The following KHDRBS2 variants were observed in gnomAD, a reference collection of about 807,000 sequenced individuals.
KHDRBS2 encodes the protein KH domain-containing, RNA-binding, signal transduction-associated protein 2.
Under a neutral mutation model 44.3 loss-of-function variants are expected in KHDRBS2, and 26 were observed. That is an observed-to-expected ratio of 0.59 (90% CI 0.43 to 0.81). KHDRBS2 has a LOEUF of 0.81. Ranked by LOEUF, KHDRBS2 falls within the 40% of genes least tolerant of loss-of-function variation. The pLI, the probability that KHDRBS2 is intolerant of heterozygous loss-of-function variation, is 0.00. For synonymous variants in KHDRBS2, 194 were observed against 151.1 expected, an observed-to-expected ratio of 1.28 and a Z score of -2.08; for missense variants, 476 against 433.1, an observed-to-expected ratio of 1.10 and a Z score of -0.88.
intron 6 of KHDRBS2, among the ~76,000 whole-genome samples, chr6:61,891,502 G>A (rs1801833504): frequency 1.3e-5 from 2 of 152,140 alleles, no homozygotes; most frequent in Admixed American, 1.3e-4. Context: ...AGTTTCAGAA[G>A]GAATGGTACC....
At chr6:62,279,398 T>C (rs1841477889) in intron 1 of KHDRBS2, among the ~76,000 whole-genome samples, 2 of 152,196 alleles carry the variant, frequency 1.3e-5, no homozygotes, top group South Asian at 4.1e-4. Context: ...AGATATCTTC[T>C]AAACACATGG....
intron 1 of KHDRBS2, among the ~76,000 whole-genome samples, chr6:62,227,696 C>T (rs1832141273): frequency 6.6e-6 from 1 of 152,084 alleles, no homozygotes; most frequent in South Asian, 2.1e-4. Context: ...GAGATATGTT[C>T]TATCAATAAC....
the KHDRBS2 span, among the ~76,000 whole-genome samples, chr6:61,597,754 A>ATG: frequency 1.9e-5 from 1 of 53,566 alleles, no homozygotes; most frequent in Non-Finnish European, 3.5e-5. Flanking sequence ...ATATATATAT[A>ATG]TATACATATA....
intron 2 of KHDRBS2, among the ~76,000 whole-genome samples, chr6:62,131,766 G>A (rs965310454): frequency 2.0e-5 from 3 of 152,138 alleles, no homozygotes; most frequent in African/African-American, 7.2e-5. Context: ...AGAAAACAGG[G>A]AGAAGACAAG....
intron 7 of KHDRBS2, among the ~76,000 whole-genome samples, chr6:61,702,327 A>T (rs955708440): frequency 6.6e-6 from 1 of 151,950 alleles, no homozygotes; most frequent in African/African-American, 2.4e-5. Flanking sequence ...CTTTGGACTC[A>T]TGTTAATGAT....
chr6:61,793,114 C>G (rs890734700), intron 6 of KHDRBS2, among the ~76,000 whole-genome samples: 14 of 151,914 alleles, frequency 9.2e-5, no homozygotes, highest in Non-Finnish European at 1.3e-4. Context: ...AGGGAACTTG[C>G]TGTACAACAG....
intron 6 of KHDRBS2, chr6:61,816,852 T>G (rs1175805934): frequency 2.4e-6 from 1 of 419,898 alleles, no homozygotes; most frequent in Non-Finnish European, 4.8e-6. Context: ...TCCTCTTAAA[T>G]CTATGAGTGT....
chr6:62,215,192 T>G (rs935573950), intron 1 of KHDRBS2, among the ~76,000 whole-genome samples: 3 of 151,772 alleles, frequency 2.0e-5, no homozygotes, highest in African/African-American at 7.2e-5. Context: ...AAAATATAAC[T>G]TATATACACA....
chr6:62,269,003 G>T (rs1372446226), intron 1 of KHDRBS2, among the ~76,000 whole-genome samples: 8 of 151,836 alleles, frequency 5.3e-5, no homozygotes, highest in African/African-American at 1.5e-4. Flanking sequence ...CACAGCATTG[G>T]GCAGAGAAAA....
intron 7 of KHDRBS2, among the ~76,000 whole-genome samples, chr6:61,726,800 T>A (rs538658494): frequency 6.6e-6 from 1 of 152,192 alleles, no homozygotes; most frequent in African/African-American, 2.4e-5. Context: ...AAACATTCCA[T>A]GCTTATGGAT....
At chr6:62,168,502 T>C (rs1283055789) in intron 2 of KHDRBS2, among the ~76,000 whole-genome samples, 1 of 152,154 alleles carries the variant, frequency 6.6e-6, no homozygotes, top group African/African-American at 2.4e-5. Flanking sequence ...TACCCAGACA[T>C]GTGCCAAGCA....
intron 2 of KHDRBS2, among the ~76,000 whole-genome samples, chr6:62,133,213 T>G (rs956797890): frequency 1.3e-5 from 2 of 152,138 alleles, no homozygotes; most frequent in African/African-American, 4.8e-5. Flanking sequence ...CCCACCCAAA[T>G]CTCATCTTGA....
intron 4 of KHDRBS2, among the ~76,000 whole-genome samples, chr6:61,945,101 A>T (rs1342371255): frequency 0.015 from 863 of 56,240 alleles, 53 homozygotes; most frequent in African/African-American, 0.05. Flanking sequence ...AAAAAAAAAA[A>T]AAAAAAAAAA....
At chr6:61,902,769 G>A (rs114583315) in intron 4 of KHDRBS2, among the ~76,000 whole-genome samples, 6 of 152,096 alleles carry the variant, frequency 3.9e-5, no homozygotes, top group Non-Finnish European at 5.9e-5. Flanking sequence ...TGCACCAAAC[G>A]ATGTCAACGT....
chr6:62,123,320 C>T (rs1394321689), intron 2 of KHDRBS2, among the ~76,000 whole-genome samples: 1 of 152,108 alleles, frequency 6.6e-6, no homozygotes, highest in Non-Finnish European at 1.5e-5. Context: ...TGGGTTGGTT[C>T]CAAGTCTTTG....
chr6:61,776,397 C>T (rs1388312685), intron 6 of KHDRBS2, among the ~76,000 whole-genome samples: 1 of 152,052 alleles, frequency 6.6e-6, no homozygotes, highest in Non-Finnish European at 1.5e-5. Context: ...ACTCATCTGA[C>T]AAAGGGCTAA....
At chr6:62,263,508 A>T (rs1333602789) in intron 1 of KHDRBS2, among the ~76,000 whole-genome samples, 2 of 151,726 alleles carry the variant, frequency 1.3e-5, no homozygotes, top group Non-Finnish European at 3.0e-5. Context: ...TGTTTAGCAG[A>T]GTGATAATCT....
In KHDRBS2 at chr6:61,718,348, T is replaced by C. The variant is rs1035440486; in HGVS notation, c.893+14334A>G. ...TTTCTCATAAATAAAATATACATTG[T>C]ATTTAAAAGCATTACTGTTTCCATA... On this transcript the variant is annotated intron_variant, in intron 7 of 8. Transcript: ENST00000281156. Among the ~76,000 whole-genome samples, 231 of 152,144 alleles carry C rather than the reference T, an allele frequency of 1.5e-3. 2 individuals are homozygous for C. The highest frequency in any genetic ancestry group is 1.3e-4 in the Non-Finnish European group (9 of 68,036).
chr6:62,241,336 C>T (rs1389448327), intron 1 of KHDRBS2, among the ~76,000 whole-genome samples: 1 of 152,084 alleles, frequency 6.6e-6, no homozygotes, highest in Non-Finnish European at 1.5e-5. Context: ...TCTTTTTACT[C>T]TTTTTTATAT....
Sources: allele counts gnomAD v4.1 joint callset (sites outside exome capture counted in the v4.1 genomes callset), GRCh38; gene constraint gnomAD v4.1.1; transcripts MANE v1.5; gene names NCBI Gene and HGNC (gene_info 2026-07-23, HGNC 2026-07-21).